ERBB4: variants seen among roughly 807,000 people sequenced by gnomAD.
ERBB4 encodes the protein erb-b2 receptor tyrosine kinase 4.
ERBB4 carries 42 observed loss-of-function variants against 158.0 expected under a neutral mutation model. The ratio of observed to expected loss-of-function variants is 0.27; its 90% CI spans 0.21 to 0.34. The LOEUF is 0.34. ERBB4 is among the 10% of genes least tolerant of loss of function. The pLI is 1.00. For synonymous variants in ERBB4, 583 were observed against 558.7 expected, an observed-to-expected ratio of 1.04 and a Z score of -0.61; for missense variants, 1,333 against 1,624.1, an observed-to-expected ratio of 0.82 and a Z score of 3.08.
chr2:212,392,648 C>T (rs546819916), intron 1 of ERBB4, among the ~76,000 whole-genome samples: 1 of 152,172 alleles, frequency 6.6e-6, no homozygotes, highest in Admixed American at 6.6e-5. Context: ...TAAAATAGCA[C>T]AGAGAATGAG....
intron 1 of ERBB4, among the ~76,000 whole-genome samples, chr2:212,371,414 G>C (rs925279502): frequency 6.6e-6 from 1 of 152,180 alleles, no homozygotes; most frequent in Non-Finnish European, 1.5e-5. Context: ...ATGCTCAAAA[G>C]AGAGGTTTTT....
chr2:211,944,215 C>A (rs80107885), intron 3 of ERBB4, among the ~76,000 whole-genome samples: 1 of 110,496 alleles, frequency 9.1e-6, no homozygotes. Flanking sequence ...TATATATATA[C>A]ACACACACAC....
intron 1 of ERBB4, among the ~76,000 whole-genome samples, chr2:212,399,492 C>A (rs1385489849): frequency 3.4e-5 from 5 of 146,160 alleles, no homozygotes; most frequent in Non-Finnish European, 1.5e-5. Flanking sequence ...CACCTTCAAT[C>A]TAAGGGCTGC....
rs933099260 is a variant in ERBB4 at position 212,326,520 on chromosome 2, T to G, written c.83-201617A>C. ...TAAAAAAAAATTCATTTGAATACGCTTTAGCCCAAAAGCTCCTTACATATT... is the reference window on the plus strand; with the variant it reads ...TAAAAAAAAATTCATTTGAATACGCGTTAGCCCAAAAGCTCCTTACATATT... On this transcript the variant is annotated intron_variant, in intron 1 of 27. Transcript: ENST00000342788. 3.3e-5 allele frequency among the ~76,000 whole-genome samples: 5 copies of G among 151,008 alleles called. No individual in the cohort carries two copies. In the East Asian group the frequency reaches 9.7e-4, roughly 29 times the overall value.
intron 20 of ERBB4, among the ~76,000 whole-genome samples, chr2:211,543,622 G>T (rs1296905694): frequency 1.3e-5 from 2 of 151,812 alleles, no homozygotes; most frequent in African/African-American, 2.4e-5. Flanking sequence ...GAGAATCTCA[G>T]TATTTGAGTG....
intron 1 of ERBB4, among the ~76,000 whole-genome samples, chr2:212,183,505 GT>G (rs1472077931): frequency 6.6e-6 from 1 of 151,952 alleles, no homozygotes; most frequent in Non-Finnish European, 1.5e-5. Flanking sequence ...CACTAAATTA[GT>G]GGACATAAAA....
intron 25 of ERBB4, among the ~76,000 whole-genome samples, chr2:211,389,647 C>T (rs1187422357): frequency 6.6e-6 from 1 of 152,058 alleles, no homozygotes; most frequent in Non-Finnish European, 1.5e-5. Context: ...ATTTAATATG[C>T]AATACATAGG....
chr2:211,874,086 G>A (rs2106123899), intron 3 of ERBB4, among the ~76,000 whole-genome samples: 1 of 152,206 alleles, frequency 6.6e-6, no homozygotes, highest in Non-Finnish European at 1.5e-5. Flanking sequence ...AATCACTTGA[G>A]GCTGGGAGAC....
intron 16 of ERBB4, among the ~76,000 whole-genome samples, chr2:211,639,133 AC>A (rs1427679066): frequency 1.3e-5 from 2 of 152,174 alleles, no homozygotes; most frequent in Admixed American, 1.3e-4. Context: ...TACCTATTAT[AC>A]AATATCATAT....
chr2:211,548,824 G>T (rs554493169), intron 20 of ERBB4, among the ~76,000 whole-genome samples: 1 of 152,016 alleles, frequency 6.6e-6, no homozygotes, highest in Non-Finnish European at 1.5e-5. Context: ...AGTTAGGTTC[G>T]GTTATATTTG....
At chr2:211,800,659 TA>T (rs35946148) in intron 3 of ERBB4, among the ~76,000 whole-genome samples, 24,681 of 128,436 alleles carry the variant, frequency 0.19, 2,492 homozygotes, top group African/African-American at 0.28. Flanking sequence ...AACTGTGCGT[TA>T]AAAAAAAAAA....
At chr2:212,292,282 A>T (rs1476721581) in intron 1 of ERBB4, among the ~76,000 whole-genome samples, 4 of 152,026 alleles carry the variant, frequency 2.6e-5, no homozygotes, top group Non-Finnish European at 4.4e-5. Flanking sequence ...GCTTAAAAAA[A>T]GATCTTTCCT....
chr2:212,508,928 A>C (rs1439654110), intron 1 of ERBB4, among the ~76,000 whole-genome samples: 1 of 152,002 alleles, frequency 6.6e-6, no homozygotes, highest in Non-Finnish European at 1.5e-5. Context: ...CTATACTTTC[A>C]TGTCTGCCAA....
intron 1 of ERBB4, among the ~76,000 whole-genome samples, chr2:212,369,622 C>T (rs2888090): frequency 0.017 from 2,620 of 152,114 alleles, 40 homozygotes; most frequent in Non-Finnish European, 0.024. Context: ...TTACTTTAAT[C>T]CATCAGAGAT....
intron 17 of ERBB4, among the ~76,000 whole-genome samples, chr2:211,626,890 A>G (rs1197185510): frequency 6.6e-6 from 1 of 151,774 alleles, no homozygotes; most frequent in African/African-American, 2.4e-5. Context: ...GCGCCACTGC[A>G]CTCCAGCCTG....
intron 3 of ERBB4, among the ~76,000 whole-genome samples, chr2:211,860,363 T>A (rs892073368): frequency 2.6e-5 from 4 of 152,198 alleles, no homozygotes; most frequent in African/African-American, 9.6e-5. Context: ...ACTCTTAAAT[T>A]GCTGCTTTCT....
chr2:211,724,917 C>T (rs192826288), intron 6 of ERBB4, among the ~76,000 whole-genome samples, 159 bp downstream of exon 6: 1 of 152,046 alleles, frequency 6.6e-6, no homozygotes, highest in Admixed American at 6.6e-5. Flanking sequence ...CAGTAGACAA[C>T]CTAGTGAGGG....
Position 212,266,199 on chromosome 2 carries a change from T to C in ERBB4, c.83-141296A>G, listed in dbSNP as rs1020833749. On this transcript the variant is annotated intron_variant, in intron 1 of 27. Coordinates refer to ENST00000342788, the MANE Select transcript of ERBB4 (RefSeq NM_005235.3). The stretch of plus-strand genomic sequence containing the variant: ...CCTTTCATTTTCTTTTCCTGGAAAC[T>C]AATACGAGGAGGAGGGATATTGTTA... Among the ~76,000 whole-genome samples the C allele has an allele frequency of 2.6e-5, 4 of 151,858 alleles. No individual in the cohort carries two copies. The East Asian group carries it at 7.7e-4, about 29-fold the overall frequency.
At chr2:212,154,378 A>G (rs2080969440) in intron 1 of ERBB4, among the ~76,000 whole-genome samples, 1 of 152,158 alleles carries the variant, frequency 6.6e-6, no homozygotes. Flanking sequence ...GATTTTATCT[A>G]CAAATGGCAC....
Sources: allele counts gnomAD v4.1 joint callset (sites outside exome capture counted in the v4.1 genomes callset), GRCh38; gene constraint gnomAD v4.1.1; transcripts MANE v1.5; gene names NCBI Gene and HGNC (gene_info 2026-07-23, HGNC 2026-07-21).